The following CTNNA2 variants were observed in gnomAD, a reference collection of about 807,000 sequenced individuals.
CTNNA2 encodes the protein catenin alpha 2.
Under a neutral mutation model 101.0 loss-of-function variants are expected in CTNNA2, and 42 were observed. That is an observed-to-expected ratio of 0.42 (90% CI 0.32 to 0.54). CTNNA2 has a LOEUF of 0.54. CTNNA2 is among the 20% of genes least tolerant of loss of function. The pLI is 0.14. For synonymous variants in CTNNA2, 450 were observed against 456.4 expected, an observed-to-expected ratio of 0.99 and a Z score of 0.18; for missense variants, 871 against 1,223.1, an observed-to-expected ratio of 0.71 and a Z score of 4.29.
At chr2:80,465,228 T>C (rs1289361937) in intron 9 of CTNNA2, among the ~76,000 whole-genome samples, 2 of 152,202 alleles carry the variant, frequency 1.3e-5, no homozygotes, top group Admixed American at 6.5e-5. Flanking sequence ...GTGAAACACA[T>C]GATAGGCTCC....
At chr2:80,156,843 T>A (rs1311904830) in intron 7 of CTNNA2, among the ~76,000 whole-genome samples, 1 of 152,194 alleles carries the variant, frequency 6.6e-6, no homozygotes, top group Admixed American at 6.5e-5. Context: ...CTCTTAACCC[T>A]CAAACTAGAG....
At position 79,915,142 on chromosome 2, in the gene CTNNA2, T is replaced by C. The variant is rs537321603; in HGVS notation, c.1056+5345T>C. Among the ~76,000 whole-genome samples the C allele has an allele frequency of 2.6e-5, 4 of 152,096 alleles. No individual in the cohort carries two copies. In the East Asian group the frequency reaches 7.8e-4, roughly 30 times the overall value. On this transcript the variant is annotated intron_variant, in intron 7 of 18. Coordinates refer to ENST00000402739, the MANE Select transcript of CTNNA2 (RefSeq NM_001282597.3). ...ACGAGATCTCTAAGAATGTGGCTTT[T>C]ACATTTTTGTATAGTGGAAAAGAAA...
At chr2:79,914,188 A>T (rs1263998494) in intron 7 of CTNNA2, among the ~76,000 whole-genome samples, 1 of 150,758 alleles carries the variant, frequency 6.6e-6, no homozygotes, top group Non-Finnish European at 1.5e-5. Flanking sequence ...AAAAAAAAAA[A>T]AGAAAGTAGC....
chr2:79,779,525 G>A (rs1423239926), intron 3 of CTNNA2, among the ~76,000 whole-genome samples: 1 of 152,098 alleles, frequency 6.6e-6, no homozygotes. Flanking sequence ...TATTAACTCT[G>A]ACCTCTGTGC....
At chr2:79,614,844 G>A (rs1401948524) in intron 1 of CTNNA2, among the ~76,000 whole-genome samples, 1 of 152,074 alleles carries the variant, frequency 6.6e-6, no homozygotes, top group African/African-American at 2.4e-5. Context: ...ATATCTTTTA[G>A]CTTTACAACT....
At chr2:79,353,286 G>A (rs1677433197) in intron 3 of CTNNA2, among the ~76,000 whole-genome samples, 2 of 152,168 alleles carry the variant, frequency 1.3e-5, no homozygotes, top group Non-Finnish European at 2.9e-5. Flanking sequence ...ATTTCCATGT[G>A]ATGGTATGAT....
chr2:80,481,528 T>C (rs1436146944), intron 9 of CTNNA2, among the ~76,000 whole-genome samples: 8 of 152,118 alleles, frequency 5.3e-5, no homozygotes, highest in Non-Finnish European at 1.2e-4. Flanking sequence ...CAGAGGAAAT[T>C]ATGCTTCTTA....
At chr2:80,235,466 G>C (rs1246156993) in intron 7 of CTNNA2, among the ~76,000 whole-genome samples, 1 of 152,240 alleles carries the variant, frequency 6.6e-6, no homozygotes, top group Non-Finnish European at 1.5e-5. Flanking sequence ...TGGCTGGTGA[G>C]TGGCACAGAT....
At chr2:79,859,702 T>C (rs1228398058) in intron 4 of CTNNA2, among the ~76,000 whole-genome samples, 1 of 152,054 alleles carries the variant, frequency 6.6e-6, no homozygotes, top group Admixed American at 6.6e-5. Context: ...CTCTTGAAAT[T>C]GGATAAGCTG....
At chr2:80,406,161 T>A (rs1376958039) in intron 8 of CTNNA2, among the ~76,000 whole-genome samples, 4 of 151,744 alleles carry the variant, frequency 2.6e-5, no homozygotes, top group African/African-American at 7.3e-5. Context: ...ATCGAGAACA[T>A]CTTGGCCAAC....
intron 9 of CTNNA2, among the ~76,000 whole-genome samples, chr2:80,469,359 G>A (rs1228927310): frequency 6.6e-6 from 1 of 152,214 alleles, no homozygotes; most frequent in Non-Finnish European, 1.5e-5. Flanking sequence ...CTGATGGAAA[G>A]CCGTGTTTCT....
chr2:79,699,815 AC>A (rs372594417), intron 2 of CTNNA2, among the ~76,000 whole-genome samples: 14,701 of 146,748 alleles, frequency 0.1, 1,083 homozygotes, highest in East Asian at 0.43. Context: ...ACACACACAC[AC>A]ACACACACAC....
At chr2:79,486,152 C>G (rs1041849132) in intron 4 of CTNNA2, among the ~76,000 whole-genome samples, 4 of 151,966 alleles carry the variant, frequency 2.6e-5, no homozygotes, top group Non-Finnish European at 5.9e-5. Context: ...TATACATGTG[C>G]CATGTTGGTG....
chr2:80,572,373 T>G (rs193297140), intron 12 of CTNNA2, among the ~76,000 whole-genome samples: 1 of 152,210 alleles, frequency 6.6e-6, no homozygotes, highest in African/African-American at 2.4e-5. Context: ...ATTTATTTTA[T>G]ATACATGTAG....
chr2:80,220,002 C>T (rs1455370624), intron 7 of CTNNA2, among the ~76,000 whole-genome samples: 3 of 151,956 alleles, frequency 2.0e-5, no homozygotes, highest in African/African-American at 7.3e-5. Flanking sequence ...ACACAAAAAC[C>T]ACAACCAACA....
chr2:79,543,353 A>G (rs1183137126), intron 1 of CTNNA2, among the ~76,000 whole-genome samples: 2 of 152,198 alleles, frequency 1.3e-5, no homozygotes, highest in East Asian at 3.8e-4. Context: ...ATGTGAAATC[A>G]AGTTATTATT....
At chr2:79,522,326 C>T (rs1672160445) in intron 1 of CTNNA2, among the ~76,000 whole-genome samples, 2 of 152,158 alleles carry the variant, frequency 1.3e-5, no homozygotes, top group Admixed American at 6.5e-5. Context: ...CAAATGCTTT[C>T]CTACAAGTTA....
chr2:80,219,037 C>T (rs572743098), intron 7 of CTNNA2, among the ~76,000 whole-genome samples: 75 of 151,764 alleles, frequency 4.9e-4, no homozygotes, highest in South Asian at 3.3e-3. Context: ...ACTTGGATAT[C>T]GTGGCAATTA....
chr2:79,835,682 T>G (rs1483323830), intron 3 of CTNNA2, among the ~76,000 whole-genome samples: 14 of 128,888 alleles, frequency 1.1e-4, no homozygotes, highest in African/African-American at 1.9e-4. Context: ...TTTTTTTTTT[T>G]TTTTTTTTTT....
Sources: allele counts gnomAD v4.1 joint callset (sites outside exome capture counted in the v4.1 genomes callset), GRCh38; gene constraint gnomAD v4.1.1; transcripts MANE v1.5; gene names NCBI Gene and HGNC (gene_info 2026-07-23, HGNC 2026-07-21).